Variants in GALNT13 observed in about 807,000 individuals in gnomAD.
The protein encoded by GALNT13 is UDP-GalNAc:polypeptide N-acetylgalactosaminyltransferase 13.
GALNT13 carries 28 observed loss-of-function variants against 64.2 expected under a neutral mutation model. That is an observed-to-expected ratio of 0.44 (90% confidence interval 0.32 to 0.60). GALNT13 has a LOEUF of 0.60. GALNT13 is among the 20% of genes least tolerant of loss of function. The probability of loss-of-function intolerance (pLI) is 0.05; values close to 1 mark genes in which losing one functional copy is unlikely to be tolerated. For synonymous variants in GALNT13, 214 were observed against 224.6 expected, an observed-to-expected ratio of 0.95 and a Z score of 0.42; for missense variants, 577 against 669.8, an observed-to-expected ratio of 0.86 and a Z score of 1.53.
chr2:154,210,049 T>A (rs139900347), intron 4 of GALNT13, among the ~76,000 whole-genome samples: 44 of 152,282 alleles, frequency 2.9e-4, no homozygotes, highest in Non-Finnish European at 5.4e-4. Flanking sequence ...CCTCTCTGAG[T>A]TTGAATGTTT....
chr2:154,119,824 G>A (rs1681828937), intron 3 of GALNT13, among the ~76,000 whole-genome samples: 1 of 151,838 alleles, frequency 6.6e-6, no homozygotes, highest in Non-Finnish European at 1.5e-5. Flanking sequence ...TTTGTGTATT[G>A]TTTTCCAAAC....
At chr2:153,676,788 C>T in the GALNT13 span, among the ~76,000 whole-genome samples, 1 of 152,134 alleles carries the variant, frequency 6.6e-6, no homozygotes, top group Non-Finnish European at 1.5e-5. Context: ...ACATCGTTAT[C>T]TCAGTAGATG....
the GALNT13 span, among the ~76,000 whole-genome samples, chr2:153,823,956 G>A: frequency 6.6e-5 from 10 of 152,026 alleles, no homozygotes; most frequent in Admixed American, 2.0e-4. Context: ...TGTGGGCAAA[G>A]GATATAAAAA....
At chr2:154,278,118 G>T (rs980031991) in intron 8 of GALNT13, among the ~76,000 whole-genome samples, 5 of 151,988 alleles carry the variant, frequency 3.3e-5, no homozygotes, top group African/African-American at 1.2e-4. Flanking sequence ...ATTTTAGTTG[G>T]TCAACCAACT....
chr2:153,674,247 A>C, the GALNT13 span, among the ~76,000 whole-genome samples: 44 of 152,194 alleles, frequency 2.9e-4, 1 homozygote, highest in African/African-American at 1.1e-3. Context: ...TTGCCAAGAC[A>C]ATCCTAAGCA....
chr2:153,662,944 T>C, the GALNT13 span, among the ~76,000 whole-genome samples: 1 of 152,174 alleles, frequency 6.6e-6, no homozygotes, highest in Non-Finnish European at 1.5e-5. Flanking sequence ...CGTAGGAACT[T>C]TCCAGGCAAT....
the GALNT13 span, among the ~76,000 whole-genome samples, chr2:153,773,830 G>A: frequency 6.6e-6 from 1 of 152,136 alleles, no homozygotes; most frequent in Non-Finnish European, 1.5e-5. Context: ...AACTATTTAT[G>A]ATCTGTCTCT....
chr2:153,095,799 A>G, the GALNT13 span, among the ~76,000 whole-genome samples: 1 of 152,018 alleles, frequency 6.6e-6, no homozygotes, highest in Non-Finnish European at 1.5e-5. Context: ...AGAAAACCAA[A>G]CACTGGATGT....
the GALNT13 span, among the ~76,000 whole-genome samples, chr2:153,647,385 A>T: frequency 6.6e-6 from 1 of 152,026 alleles, no homozygotes; most frequent in African/African-American, 2.4e-5. Context: ...AGATGAGTAG[A>T]TTGCAAAAAT....
At chr2:153,629,528 G>A in the GALNT13 span, among the ~76,000 whole-genome samples, 5 of 151,902 alleles carry the variant, frequency 3.3e-5, no homozygotes, top group South Asian at 4.2e-4. Flanking sequence ...AATGTTAGAC[G>A]TAAAACTATA....
chr2:153,252,922 CT>C, the GALNT13 span, among the ~76,000 whole-genome samples: 248 of 152,162 alleles, frequency 1.6e-3, no homozygotes, highest in South Asian at 2.9e-3. Context: ...CAGCTTTGTT[CT>C]TTTGGCTTAG....
chr2:153,531,268 C>T, the GALNT13 span, among the ~76,000 whole-genome samples: 4 of 152,160 alleles, frequency 2.6e-5, no homozygotes, highest in Non-Finnish European at 5.9e-5. Flanking sequence ...ATCTGCTCAG[C>T]TTCTGGGGAA....
intron 3 of GALNT13, among the ~76,000 whole-genome samples, chr2:154,047,107 A>G (rs1318456133): frequency 6.6e-6 from 1 of 152,074 alleles, no homozygotes; most frequent in Non-Finnish European, 1.5e-5. Context: ...TTGCTTTTAC[A>G]CTTGTAATAT....
At chr2:154,048,652 TTG>T in intron 3 of GALNT13, among the ~76,000 whole-genome samples, 1 of 152,224 alleles carries the variant, frequency 6.6e-6, no homozygotes, top group East Asian at 1.9e-4. Flanking sequence ...AAAAACATAA[TTG>T]ACTTAAAAAC....
chr2:154,455,366 T>C (rs1702018426), downstream of GALNT13, among the ~76,000 whole-genome samples: 2 of 152,174 alleles, frequency 1.3e-5, no homozygotes, highest in Non-Finnish European at 2.9e-5. Context: ...TTATAAAGTG[T>C]ACTGATTTCA....
rs544994639 is a variant in GALNT13 at position 153,925,286 on chromosome 2, C to A, written c.-104-19108C>A. On this transcript the variant is annotated intron_variant, in intron 2 of 12. Transcript: ENST00000392825. ...TTCTGCATATGGCTAGCCAGTTGTC[C>A]CAGCACTATTTATTAAATAGGGAAT... 1.1e-4 allele frequency among the ~76,000 whole-genome samples: 17 copies of A among 152,172 alleles called. No individual in the cohort carries two copies. The South Asian group carries it at 3.3e-3, about 30-fold the overall frequency.
the GALNT13 span, among the ~76,000 whole-genome samples, chr2:153,270,918 C>T: frequency 9.4e-4 from 143 of 152,208 alleles, 1 homozygote; most frequent in African/African-American, 3.3e-3. Flanking sequence ...AGCTTATCTA[C>T]CACAATCAAG....
At chr2:153,268,007 C>A in the GALNT13 span, among the ~76,000 whole-genome samples, 1 of 152,130 alleles carries the variant, frequency 6.6e-6, no homozygotes, top group Non-Finnish European at 1.5e-5. Context: ...GGTAGGGACA[C>A]AGAGCCAAAC....
At chr2:153,462,397 C>T in the GALNT13 span, among the ~76,000 whole-genome samples, 1 of 151,792 alleles carries the variant, frequency 6.6e-6, no homozygotes, top group Non-Finnish European at 1.5e-5. Flanking sequence ...CAATGGACCT[C>T]TTCTTTTCAT....
Sources: gnomAD v4.1 joint callset for allele counts (sites outside exome capture counted in the v4.1 genomes callset) on GRCh38, gnomAD v4.1.1 for gene constraint, MANE v1.5 for transcripts, NCBI Gene and HGNC (gene_info 2026-07-23, HGNC 2026-07-21) for gene names.